Variants in DGKZ observed in about 807,000 individuals in gnomAD.
DGKZ encodes DAG kinase zeta.
In DGKZ, 45 loss-of-function variants were observed where a neutral mutation model predicts 142.5. The ratio of observed to expected loss-of-function variants is 0.32; its 90% CI spans 0.25 to 0.40. The LOEUF (loss-of-function observed/expected upper bound fraction) is 0.40. Ranked by LOEUF, DGKZ falls within the 10% of genes least tolerant of loss-of-function variation. The pLI is 1.00. For synonymous variants in DGKZ, 442 were observed against 527.0 expected (o/e 0.84, Z 2.21); for missense variants, 755 against 1,306.5 (o/e 0.58, Z 6.51).
In DGKZ at chr11:46,369,393, A is replaced by C. The variant is rs1239067079; in HGVS notation, c.445-101A>C. ...CTCGTGACGATTTGGGGGTATCCCC[A>C]CCTTGTGAGGATGACTCTGGGTTGT... On this transcript the variant is annotated intron_variant, in intron 4 of 30. Coordinates refer to ENST00000527911, the Ensembl canonical transcript of DGKZ. The C allele has an allele frequency of 7.6e-6, 11 of 1,440,166 alleles. No homozygotes were observed. In the South Asian group the frequency reaches 1.3e-4, roughly 17 times the overall value. 89.2% of individuals were successfully genotyped at this position (1,440,166 alleles called of 1,614,324 possible).
exon 1 of DGKZ, chr11:46,333,326 C>T: frequency 1.5e-6 from 2 of 1,326,750 alleles, no homozygotes; most frequent in East Asian, 3.1e-5. Context: ...GGGCTGGCGG[C>T]GGCCGGGCAG....
chr11:46,373,003 G>A (rs1944128238), exon 14 of DGKZ: 1 of 1,538,704 alleles, frequency 6.5e-7, no homozygotes, highest in African/African-American at 1.4e-5. Context: ...CTCCCACGTG[G>A]AGGAGGGGAA....
At chr11:46,355,343 C>T (rs1261016808) in intron 1 of DGKZ, among the ~76,000 whole-genome samples, 2 of 151,768 alleles carry the variant, frequency 1.3e-5, no homozygotes, top group South Asian at 2.1e-4. Flanking sequence ...CTCCCGACCT[C>T]GTGATCCGCC....
chr11:46,365,229 T>C (rs1009791938), intron 1 of DGKZ: 162 of 985,154 alleles, frequency 1.6e-4, no homozygotes, highest in Non-Finnish European at 1.9e-4. Flanking sequence ...GTGCAGCGTT[T>C]GGAATTGTGA....
At chr11:46,345,068 A>G (rs999708002), upstream of DGKZ, among the ~76,000 whole-genome samples, 4 of 152,172 alleles carry the variant, frequency 2.6e-5, no homozygotes, top group Non-Finnish European at 5.9e-5. This position sits in a 1 kb window ranked among gnomAD's most constrained non-coding sequence, Gnocchi z 4.1. Context: ...ACACCCAGCC[A>G]TTGTACCTGG....
intron 1 of DGKZ, among the ~76,000 whole-genome samples, chr11:46,363,085 C>T (rs1332087154): frequency 2.6e-5 from 4 of 152,114 alleles, no homozygotes; most frequent in Admixed American, 2.0e-4. Context: ...TACTGTGTGG[C>T]GAGGTGGAGG....
intron 1 of DGKZ, among the ~76,000 whole-genome samples, chr11:46,360,963 CCCAGAAGCTGGAGT>C (rs796141374): frequency 5.1e-4 from 77 of 152,234 alleles, no homozygotes; most frequent in African/African-American, 1.7e-3. Flanking sequence ...AGCCAGAAGA[CCCAGAAGCTGGAGT>C]CCCAGCTCAA....
intron 29 of DGKZ, 56 bp from the exon 30 acceptor site, chr11:46,379,413 C>T (rs755150732): frequency 6.3e-7 from 1 of 1,589,110 alleles, no homozygotes; most frequent in African/African-American, 1.3e-5. Context: ...CCTTGGGAGA[C>T]AGATGGGTGG....
upstream of DGKZ, among the ~76,000 whole-genome samples, chr11:46,346,425 G>A (rs975675383): frequency 7.9e-5 from 12 of 152,188 alleles, no homozygotes; most frequent in Non-Finnish European, 1.5e-4. Flanking sequence ...AAACAGCCCC[G>A]GTGTGTGTGA....
At position 46,377,003 on chromosome 11, in the gene DGKZ, T is replaced by C. The variant is rs1841006900; in HGVS notation, c.2203-70T>C. On this transcript the variant is annotated intron_variant, in intron 24 of 30. Coordinates refer to ENST00000527911, the Ensembl canonical transcript of DGKZ. Reference sequence around the variant, plus strand: ...CTCATGGCAGAGGCTTCTCCAGGTCTACCAGCCTTGCTGCCCCTCGGCCCC... The same window carrying C: ...CTCATGGCAGAGGCTTCTCCAGGTCCACCAGCCTTGCTGCCCCTCGGCCCC... 4 of 1,414,130 alleles carry C rather than the reference T, an allele frequency of 2.8e-6. No homozygotes were observed. The Admixed American group carries it at 6.9e-5, about 24-fold the overall frequency. 87.6% of individuals were successfully genotyped at this position (1,414,130 alleles called of 1,614,324 possible).
At chr11:46,341,736 C>G (rs767356340) in intron 1 of DGKZ, among the ~76,000 whole-genome samples, 44 of 152,076 alleles carry the variant, frequency 2.9e-4, no homozygotes, top group Admixed American at 2.6e-4. Context: ...GCCAAATACT[C>G]AGGGAAGACA....
intron 1 of DGKZ, among the ~76,000 whole-genome samples, chr11:46,342,454 AC>A (rs1940325911): frequency 6.6e-6 from 1 of 152,158 alleles, no homozygotes; most frequent in South Asian, 2.1e-4. Flanking sequence ...CAGATGGAAA[AC>A]AAGCCCAGCC....
intron 1 of DGKZ, among the ~76,000 whole-genome samples, chr11:46,353,742 C>T (rs1483877369): frequency 6.7e-6 from 1 of 150,152 alleles, no homozygotes; most frequent in African/African-American, 2.5e-5. Flanking sequence ...GGGAGGGCCC[C>T]AGCATCCTCC....
At chr11:46,333,260 G>A (rs768864548) in exon 1 of DGKZ, 2 of 1,248,296 alleles carry the variant, frequency 1.6e-6, no homozygotes, top group South Asian at 3.3e-5. Flanking sequence ...AGCCGCGGGC[G>A]GAAGGCGGCC....
At chr11:46,357,251 C>CCCT (rs1423578898) in intron 1 of DGKZ, among the ~76,000 whole-genome samples, 2 of 152,120 alleles carry the variant, frequency 1.3e-5, no homozygotes, top group South Asian at 2.1e-4. Context: ...CTGAGACAGC[C>CCCT]CCTCCTCCCC....
chr11:46,335,310 C>CAA (rs113151099), intron 1 of DGKZ, among the ~76,000 whole-genome samples: 42 of 130,124 alleles, frequency 3.2e-4, no homozygotes, highest in African/African-American at 1.1e-3. Context: ...GTGACTCCAT[C>CAA]AAAAAAAAAA....
upstream of DGKZ, among the ~76,000 whole-genome samples, chr11:46,343,994 G>A (rs1427176364): frequency 1.3e-5 from 2 of 151,564 alleles, no homozygotes; most frequent in African/African-American, 4.9e-5. Context: ...CTGTTGCCCA[G>A]GCTAGAGTGC....
Position 46,369,593 on chromosome 11 carries a change from C to G in DGKZ, c.501+43C>G, listed in dbSNP as rs750116491. On this transcript the variant is annotated intron_variant, in intron 5 of 30. Transcript: ENST00000527911. ...TCAGGGATGGGGCCACCCTAAGATT[C>G]CTGCATGGGCCTCTGCGCAGTGCCT... is the stretch of plus-strand genomic sequence containing the variant. 4.4e-6 allele frequency: 7 copies of G among 1,609,186 alleles called. No individual in the cohort carries two copies. The African/African-American group carries it at 5.3e-5, about 12-fold the overall frequency.
chr11:46,361,221 G>A (rs1354480706), intron 1 of DGKZ, among the ~76,000 whole-genome samples: 1 of 152,250 alleles, frequency 6.6e-6, no homozygotes, highest in African/African-American at 2.4e-5. Flanking sequence ...TCCAGTGGGC[G>A]TGAGAAGGCA....
Sources: allele counts gnomAD v4.1 joint callset (sites outside exome capture counted in the v4.1 genomes callset), GRCh38; gene constraint gnomAD v4.1.1; non-coding constraint Gnocchi (gnomAD v3.1); transcripts MANE v1.5; gene names NCBI Gene and HGNC (gene_info 2026-07-23, HGNC 2026-07-21).